Variants in METTL15 observed in about 807,000 individuals in gnomAD.
METTL15 encodes 12S rRNA N(4)-cytidine methyltransferase METTL15.
METTL15 carries 34 observed loss-of-function variants against 38.3 expected under a neutral mutation model. The ratio of observed to expected loss-of-function variants is 0.89; its 90% confidence interval spans 0.68 to 1.18. The LOEUF (loss-of-function observed/expected upper bound fraction) is 1.18, where lower values mean the gene tolerates loss of function less well. Among genes scored for constraint, METTL15 ranks in the 50% most tolerant of loss-of-function variants. The pLI, the probability that METTL15 is intolerant of heterozygous loss-of-function variation, is 0.00. For missense variants in METTL15, 438 were observed against 498.4 expected (o/e 0.88, Z 1.15); for synonymous variants, 162 against 170.9 (o/e 0.95, Z 0.41).
At chr11:28,128,639 A>T (rs1476177703) in intron 3 of METTL15, among the ~76,000 whole-genome samples, 1 of 152,058 alleles carries the variant, frequency 6.6e-6, no homozygotes, top group Non-Finnish European at 1.5e-5. Flanking sequence ...TTTTGCGTAA[A>T]AGTTGAAAAG....
intron 6 of METTL15, among the ~76,000 whole-genome samples, chr11:28,310,878 A>ATGCTGCTGCTGCTGCTGCTGCTGC (rs878913369): frequency 4.6e-5 from 3 of 64,678 alleles, no homozygotes; most frequent in Admixed American, 2.0e-4. Flanking sequence ...CCTAGCTTAA[A>ATGCTGCTGCTGCTGCTGCTGCTGC]TGCTGCTGCT....
At chr11:28,447,859 G>T (rs1049478001) in intron 6 of METTL15, among the ~76,000 whole-genome samples, 4 of 152,074 alleles carry the variant, frequency 2.6e-5, no homozygotes, top group African/African-American at 9.7e-5. Flanking sequence ...CTTTCATGTG[G>T]ACTGAGGCAC....
downstream of METTL15, among the ~76,000 whole-genome samples, chr11:28,335,042 C>G (rs1400196200): frequency 1.3e-5 from 2 of 152,094 alleles, no homozygotes; most frequent in Admixed American, 6.6e-5. Flanking sequence ...TATCATTGCT[C>G]AAATGTTAGA....
chr11:28,471,950 G>A (rs777970020), intron 6 of METTL15, among the ~76,000 whole-genome samples: 21 of 152,072 alleles, frequency 1.4e-4, no homozygotes, highest in African/African-American at 2.2e-4. Context: ...TCTGAATGAC[G>A]CAAGGTTGAG....
chr11:28,130,288 G>T (rs1022944382), intron 3 of METTL15, among the ~76,000 whole-genome samples: 1 of 152,098 alleles, frequency 6.6e-6, no homozygotes, highest in Admixed American at 6.6e-5. Flanking sequence ...TCCAGCCTGG[G>T]TGACAGAGTG....
At position 28,322,442 on chromosome 11, in the gene METTL15, G is replaced by GA. The variant is rs889326459; in HGVS notation, c.779-7950dup. On this transcript the variant is annotated intron_variant, in intron 6 of 6. Transcript: ENST00000407364. ...CAACCTTACTAATTGCCAAAGAAAT[G>GA]AAAATTAAAACAGCGGTAAGCTAAG... Among the ~76,000 whole-genome samples, 136 of 152,066 alleles carry GA rather than the reference G, an allele frequency of 8.9e-4. 1 individual carries two copies. The highest frequency in any genetic ancestry group is 3.2e-3 in the African/African-American group (132 of 41,428).
intron 3 of METTL15, among the ~76,000 whole-genome samples, chr11:28,182,845 G>A (rs1204039549): frequency 4.6e-5 from 7 of 152,006 alleles, no homozygotes; most frequent in Non-Finnish European, 1.0e-4. Flanking sequence ...ATTACTTTGG[G>A]GAGTATGGCC....
At chr11:28,334,860 G>T (rs547253150), downstream of METTL15, among the ~76,000 whole-genome samples, 1 of 152,088 alleles carries the variant, frequency 6.6e-6, no homozygotes, top group Non-Finnish European at 1.5e-5. Context: ...TATAATGCTT[G>T]TCACTGACTT....
At chr11:28,235,400 A>G (rs10767704) in intron 4 of METTL15, among the ~76,000 whole-genome samples, 150,866 of 151,478 alleles carry the variant, frequency 1, 75,134 homozygotes, top group Middle Eastern at 1. Flanking sequence ...CTTGGGCAGT[A>G]TGGCCATTTT....
intron 6 of METTL15, among the ~76,000 whole-genome samples, chr11:28,474,818 G>T (rs1320138936): frequency 6.6e-6 from 1 of 152,180 alleles, no homozygotes; most frequent in Non-Finnish European, 1.5e-5. Flanking sequence ...AAGTGAGGGT[G>T]AATGGTGTGT....
chr11:28,232,114 T>C (rs552975326), intron 4 of METTL15, among the ~76,000 whole-genome samples: 1 of 151,998 alleles, frequency 6.6e-6, no homozygotes, highest in South Asian at 2.1e-4. Context: ...CTCTTTAAAA[T>C]ATGTTATAAG....
At chr11:28,409,255 G>A (rs930354156) in intron 5 of METTL15, among the ~76,000 whole-genome samples, 1 of 151,592 alleles carries the variant, frequency 6.6e-6, no homozygotes, top group South Asian at 2.1e-4. Flanking sequence ...GGTGACAGGC[G>A]CCTGTTGTCC....
chr11:28,395,429 C>T (rs1850557727), intron 5 of METTL15, among the ~76,000 whole-genome samples: 1 of 152,082 alleles, frequency 6.6e-6, no homozygotes, highest in Admixed American at 6.6e-5. Context: ...CATTGTAGGG[C>T]ATTGCCCAGG....
In METTL15 at chr11:28,327,482, G is replaced by GTTCAT. The variant is rs1565258282; in HGVS notation, c.779-2914_779-2913insTTCAT. On this transcript the variant is annotated intron_variant, in intron 6 of 6. Transcript: ENST00000407364. The stretch of plus-strand genomic sequence containing the variant: ...AGCTGCAGATTCATATATACTAGGG[G>GTTCAT]ATATACTTAATGTGAACATGATTTA... 19 of 152,444 alleles carry GTTCAT rather than the reference G, an allele frequency of 1.2e-4. No homozygotes were observed. In the East Asian group the frequency reaches 2.7e-3, roughly 22 times the overall value. 9.4% of individuals were successfully genotyped at this position (152,444 alleles called of 1,614,324 possible).
In METTL15 at chr11:28,348,680, TTATGTATGTATG is replaced by T. The variant is rs55889001; in HGVS notation, c.*190-3366_*190-3355del. 4.9e-3 allele frequency among the ~76,000 whole-genome samples: 709 copies of T among 145,998 alleles called. 5 individuals are homozygous for T. Among genetic ancestry groups the T allele is most frequent in the African/African-American group, 0.013 (519 of 39,490 alleles). ...CCACCACTGAACTTTGTCTATCCAT[TTATGTATGTATG>T]TATGTATGTATGTATGTATGTATGT... On this transcript the variant is annotated intron_variant and NMD_transcript_variant, in intron 3 of 7. Transcript: ENST00000532947.
At chr11:28,177,136 A>G (rs1436625165) in intron 3 of METTL15, among the ~76,000 whole-genome samples, 3 of 152,032 alleles carry the variant, frequency 2.0e-5, no homozygotes, top group Non-Finnish European at 4.4e-5. Flanking sequence ...GTCCTTTTAT[A>G]AATAAACACT....
At chr11:28,325,225 G>A (rs565661571) in intron 6 of METTL15, among the ~76,000 whole-genome samples, 60 of 152,310 alleles carry the variant, frequency 3.9e-4, no homozygotes, top group African/African-American at 1.4e-3. Context: ...CTACATGGCT[G>A]TGATAACAAG....
chr11:28,230,470 A>G (rs560013651), intron 4 of METTL15, among the ~76,000 whole-genome samples: 3 of 152,100 alleles, frequency 2.0e-5, no homozygotes, highest in South Asian at 2.1e-4. Context: ...TCCATATGGT[A>G]CAGGATAAGA....
intron 6 of METTL15, among the ~76,000 whole-genome samples, chr11:28,499,490 C>T (rs1427000613): frequency 6.6e-6 from 1 of 152,164 alleles, no homozygotes; most frequent in African/African-American, 2.4e-5. Context: ...TCTCTTTATT[C>T]CTAGATGATA....
Sources: gnomAD v4.1 joint callset for allele counts (sites outside exome capture counted in the v4.1 genomes callset) on GRCh38, gnomAD v4.1.1 for gene constraint, MANE v1.5 for transcripts, NCBI Gene and HGNC (gene_info 2026-07-23, HGNC 2026-07-21) for gene names.